GDNF: variants seen among roughly 807,000 people sequenced by gnomAD.
GDNF encodes glial cell line-derived neurotrophic factor.
GDNF carries 5 observed loss-of-function variants against 13.7 expected under a neutral mutation model. The observed-to-expected ratio is 0.36, with a 90% CI of 0.19 to 0.77. The LOEUF (loss-of-function observed/expected upper bound fraction) is 0.77. Among genes scored for constraint, GDNF ranks in the 30% least tolerant of loss-of-function variants. The probability of loss-of-function intolerance (pLI) is 0.51; values close to 1 mark genes in which losing one functional copy is unlikely to be tolerated. For missense variants in GDNF, 246 were observed against 274.3 expected (o/e 0.90, Z 0.73); for synonymous variants, 122 against 112.5 (o/e 1.08, Z -0.53).
At chr5:37,834,855 C>A (rs772453016) in intron 1 of GDNF, 33 bp from the exon 2 acceptor site, 5 of 1,598,434 alleles carry the variant, frequency 3.1e-6, no homozygotes, top group Non-Finnish European at 4.3e-6. Context: ...GGGGAGAGAA[C>A]CGCAGAATGC....
chr5:37,835,493 G>A (rs1409003776), intron 1 of GDNF: 18 of 1,496,228 alleles, frequency 1.2e-5, no homozygotes, highest in Non-Finnish European at 1.6e-5. Context: ...GCCTGTATGG[G>A]ATATCTGGTT....
chr5:37,817,461 T>G (rs1215610168), intron 2 of GDNF, among the ~76,000 whole-genome samples: 3 of 152,132 alleles, frequency 2.0e-5, no homozygotes, highest in African/African-American at 7.2e-5. Context: ...CAAGATTGTA[T>G]TAAAGCATAG....
chr5:37,833,970 GT>G (rs1279219512), intron 2 of GDNF, among the ~76,000 whole-genome samples: 1 of 152,170 alleles, frequency 6.6e-6, no homozygotes, highest in Non-Finnish European at 1.5e-5. Flanking sequence ...AATAACCTGG[GT>G]TTTTTTCTCA....
Position 37,837,793 on chromosome 5 carries a change from C to T in GDNF, c.-27+1714G>A, listed in dbSNP as rs1189810964. On this transcript the variant is annotated intron_variant, in intron 1 of 2. Transcript: ENST00000326524. The surrounding 1 kb of genome is among the most constrained non-coding windows in gnomAD (Gnocchi z 6.5). ...TTCACCTGAGCGGGTTTCTTGGCAA[C>T]CTGCTTTCAGACCATCCCTCACCCC... is the stretch of plus-strand genomic sequence containing the variant. 6.6e-6 allele frequency among the ~76,000 whole-genome samples: 1 copy of T among 152,070 alleles called. No homozygotes were observed. Among genetic ancestry groups the T allele is most frequent in the Non-Finnish European group, 1.5e-5 (1 of 68,018 alleles).
rs78973390 is a variant in GDNF at position 37,816,208 on chromosome 5, G to A, written c.152-73C>T. ...TTCAAGCCGTCTTCAAGATCAAAGTGCCCCCCTAAAGTCAGCAAAAATTGG... is the reference window on the plus strand; with the variant it reads ...TTCAAGCCGTCTTCAAGATCAAAGTACCCCCCTAAAGTCAGCAAAAATTGG... On this transcript the variant is annotated intron_variant, in intron 2 of 2. Transcript: ENST00000326524. 8,646 of 1,533,232 alleles carry A rather than the reference G, an allele frequency of 5.6e-3. 477 individuals carry two copies. The African/African-American group carries it at 0.1, about 19-fold the overall frequency. The allele number at this position is 1,533,232 out of a possible 1,614,324, so 95.0% of individuals were successfully genotyped here.
Position 37,815,999 on chromosome 5 carries a change from T to C in GDNF, c.288A>G (p.Ala96=). The C allele has an allele frequency of 6.2e-7, 1 of 1,613,940 alleles. No homozygotes were observed. Among genetic ancestry groups the C allele is most frequent in the African/African-American group, 1.3e-5 (1 of 75,058 alleles). ...LPRRERNRQA[A]AANPENSRGK... ...CTCTGGAATTCTCTGGGTTGGCAGC[T>C]GCAGCCTGCCGATTCCGCTCTCTTC... The change falls in exon 3 of 3, where the codon GCA becomes GCG. Residue 96 remains alanine (A), a synonymous_variant. Coordinates refer to ENST00000326524, the MANE Select transcript of GDNF (RefSeq NM_000514.4). This position sits in a 1 kb window ranked among gnomAD's most constrained non-coding sequence, Gnocchi z 5.0.
At chr5:37,823,957 A>G in intron 2 of GDNF, 7 of 623,962 alleles carry the variant, frequency 1.1e-5, no homozygotes, top group Non-Finnish European at 1.4e-5. Context: ...GGCCCCATAA[A>G]ACCCCACAGG....
In GDNF at chr5:37,834,638, G is replaced by T. The variant is rs768118028; in HGVS notation, c.151+8C>A. 2 of 1,569,232 alleles carry T rather than the reference G, an allele frequency of 1.3e-6. No homozygotes were observed. Among genetic ancestry groups the T allele is most frequent in the Non-Finnish European group, 1.7e-6 (2 of 1,160,244 alleles). ...GCGGCCCCCCCGCGGGGAGGGAACG[G>T]TTCTTACAGTCACTGCTCAGCGCGA... On this transcript the variant is annotated splice_region_variant and intron_variant, in intron 2 of 2. Transcript: ENST00000326524.
chr5:37,827,208 T>TAA (rs768949479), intron 2 of GDNF, among the ~76,000 whole-genome samples: 1 of 142,324 alleles, frequency 7.0e-6, no homozygotes, highest in Non-Finnish European at 1.5e-5. Flanking sequence ...TCCTGGGTTT[T>TAA]AAAAAAAAAA....
chr5:37,822,012 C>T (rs1750157515), intron 2 of GDNF, among the ~76,000 whole-genome samples: 1 of 152,234 alleles, frequency 6.6e-6, no homozygotes, highest in Admixed American at 6.5e-5. Flanking sequence ...GTCCCCTCCT[C>T]AGCCTGGCCA....
chr5:37,818,443 T>C (rs1184927446), intron 2 of GDNF, among the ~76,000 whole-genome samples: 5 of 152,216 alleles, frequency 3.3e-5, no homozygotes, highest in Admixed American at 3.3e-4. Flanking sequence ...ACTTTGCTCC[T>C]CCTTTGCCTT....
intron 2 of GDNF, among the ~76,000 whole-genome samples, chr5:37,832,867 T>G (rs975459957): frequency 1.3e-5 from 2 of 152,228 alleles, no homozygotes; most frequent in African/African-American, 2.4e-5. Context: ...ATCAGTAGTC[T>G]TTAAAGTTCC....
chr5:37,830,965 A>G (rs1273705426), intron 2 of GDNF, among the ~76,000 whole-genome samples: 2 of 152,190 alleles, frequency 1.3e-5, no homozygotes, highest in Non-Finnish European at 2.9e-5. Context: ...CCCAGGGCAG[A>G]GACTCTCACT....
rs1440411325 is a variant in GDNF at position 37,814,806 on chromosome 5, T to C, written c.*845A>G. On this transcript the variant is annotated 3_prime_UTR_variant, in exon 3 of 3. Coordinates refer to ENST00000326524, the MANE Select transcript of GDNF (RefSeq NM_000514.4). ...CGGAGCTGGTTATGTAACATCTGTC[T>C]CTCTGTAAACCAACAGGCCTGAGGG... The C allele has an allele frequency of 6.6e-6, 1 of 152,284 alleles. No homozygotes were observed. The highest frequency in any genetic ancestry group is 1.5e-5 in the Non-Finnish European group (1 of 68,064). The allele number at this position is 152,284 out of a possible 1,614,324, so 9.4% of individuals were successfully genotyped here.
rs71604877 is a variant in GDNF at position 37,813,560 on chromosome 5, C to CTT, written c.*2089_*2090dup. 0.29 allele frequency: 25,489 copies of CTT among 86,688 alleles called. 4,495 individuals carry two copies. The highest frequency in any genetic ancestry group is 0.36 in the Middle Eastern group (36 of 100). 5.4% of individuals were successfully genotyped at this position (86,688 alleles called of 1,614,324 possible). On this transcript the variant is annotated 3_prime_UTR_variant, in exon 3 of 3. Coordinates refer to ENST00000326524, the MANE Select transcript of GDNF (RefSeq NM_000514.4). ...CCTATGCTTCCTCCTGCTCCAACCT[C>CTT]TTTTTTTTTTTTTTTTTTTTTTTGA...
rs552208922 is a variant in GDNF, at chr5:37,837,588, G to C, written c.-27+1919C>G. 3.3e-5 allele frequency among the ~76,000 whole-genome samples: 5 copies of C among 152,356 alleles called. No individual in the cohort carries two copies. Among genetic ancestry groups the C allele is most frequent in the African/African-American group, 1.2e-4 (5 of 41,590 alleles). Reference sequence around the variant, plus strand: ...GGGGGCACCAGAAACCGTCTGAGCCGTGTCGCGCCCACGCGGCCCGGAGGC... The same window carrying C: ...GGGGGCACCAGAAACCGTCTGAGCCCTGTCGCGCCCACGCGGCCCGGAGGC... On this transcript the variant is annotated intron_variant, in intron 1 of 2. Coordinates refer to ENST00000326524, the MANE Select transcript of GDNF (RefSeq NM_000514.4). This position sits in a 1 kb window ranked among gnomAD's most constrained non-coding sequence, Gnocchi z 6.5.
At chr5:37,829,781 A>C (rs951771113) in intron 2 of GDNF, among the ~76,000 whole-genome samples, 1 of 152,222 alleles carries the variant, frequency 6.6e-6, no homozygotes, top group African/African-American at 2.4e-5. Context: ...GACTGGCCAA[A>C]TCAATTTAAG....
rs1448159003 is a variant in GDNF, at chr5:37,813,334, C to A, written c.*2317G>T. On this transcript the variant is annotated 3_prime_UTR_variant, in exon 3 of 3. Transcript: ENST00000326524. The stretch of plus-strand genomic sequence containing the variant: ...GTTACTATGATTATTTGATGGAGGC[C>A]AGTATTTCATTTAATTGCTAAATCT... 6.6e-6 allele frequency: 1 copy of A among 152,014 alleles called. No individual in the cohort carries two copies. Among genetic ancestry groups the A allele is most frequent in the Non-Finnish European group, 1.5e-5 (1 of 68,016 alleles). 9.4% of individuals were successfully genotyped at this position (152,014 alleles called of 1,614,324 possible).
chr5:37,821,128 C>G (rs1368930139), intron 2 of GDNF, among the ~76,000 whole-genome samples: 1 of 152,162 alleles, frequency 6.6e-6, no homozygotes, highest in East Asian at 1.9e-4. Context: ...GCGCCATACT[C>G]CTCTGCAGAG....
Sources: allele counts gnomAD v4.1 joint callset (sites outside exome capture counted in the v4.1 genomes callset), GRCh38; gene constraint gnomAD v4.1.1; non-coding constraint Gnocchi (gnomAD v3.1); transcripts MANE v1.5; gene names NCBI Gene and HGNC (gene_info 2026-07-23, HGNC 2026-07-21).